NCKAP5: variants seen among roughly 807,000 people sequenced by gnomAD.
NCKAP5 encodes the protein nck-associated protein 5.
Under a neutral mutation model 167.0 loss-of-function variants are expected in NCKAP5, and 92 were observed. The observed-to-expected ratio is 0.55, with a 90% CI of 0.47 to 0.66. The LOEUF is 0.66. Ranked by LOEUF, NCKAP5 falls within the 30% of genes least tolerant of loss-of-function variation. The pLI, the probability that NCKAP5 is intolerant of heterozygous loss-of-function variation, is 0.00. For synonymous variants in NCKAP5, 891 were observed against 877.4 expected (o/e 1.02, Z -0.27); for missense variants, 2,378 against 2,315.0 (o/e 1.03, Z -0.56).
At chr2:133,188,671 C>A (rs148162773) in intron 5 of NCKAP5, among the ~76,000 whole-genome samples, 1 of 152,082 alleles carries the variant, frequency 6.6e-6, no homozygotes, top group Non-Finnish European at 1.5e-5. Context: ...GAACAACCTG[C>A]GCCTGAATGA....
At chr2:133,104,983 G>A (rs1249233222) in intron 6 of NCKAP5, among the ~76,000 whole-genome samples, 8 of 152,250 alleles carry the variant, frequency 5.3e-5, no homozygotes, top group South Asian at 4.1e-4. Context: ...CCTGCCATGC[G>A]CCTGCTCACA....
At chr2:133,453,450 T>C (rs997756302) in intron 3 of NCKAP5, among the ~76,000 whole-genome samples, 3 of 152,080 alleles carry the variant, frequency 2.0e-5, no homozygotes, top group Non-Finnish European at 4.4e-5. Context: ...TCAATTCTAA[T>C]AACAATTCCT....
chr2:133,642,693 TG>T, the NCKAP5 span, among the ~76,000 whole-genome samples: 78 of 152,368 alleles, frequency 5.1e-4, no homozygotes, highest in African/African-American at 1.8e-3. Context: ...CTTGTAATAT[TG>T]ACAGGAAACA....
At chr2:133,445,487 T>C (rs1181744411) in intron 3 of NCKAP5, among the ~76,000 whole-genome samples, 1 of 152,232 alleles carries the variant, frequency 6.6e-6, no homozygotes, top group Admixed American at 6.5e-5. Flanking sequence ...TTGTAGACCT[T>C]GGATCAAAAA....
chr2:133,387,023 T>C (rs981652709), intron 3 of NCKAP5, among the ~76,000 whole-genome samples: 1 of 152,372 alleles, frequency 6.6e-6, no homozygotes, highest in East Asian at 1.9e-4. Flanking sequence ...TGTCTTTTAA[T>C]TGGAGCATTT....
chr2:133,046,099 A>C (rs1337277096), intron 6 of NCKAP5, among the ~76,000 whole-genome samples: 1 of 152,148 alleles, frequency 6.6e-6, no homozygotes, highest in Non-Finnish European at 1.5e-5. Flanking sequence ...TTTAAAACTG[A>C]TGAGTTGTTT....
chr2:132,855,339 C>T (rs537647360), intron 11 of NCKAP5, among the ~76,000 whole-genome samples: 1 of 152,336 alleles, frequency 6.6e-6, no homozygotes, highest in African/African-American at 2.4e-5. Context: ...ATGACAGGCT[C>T]ACCACCAGTG....
chr2:133,265,553 T>C (rs1243542578), intron 4 of NCKAP5, among the ~76,000 whole-genome samples: 1 of 152,190 alleles, frequency 6.6e-6, no homozygotes, highest in Non-Finnish European at 1.5e-5. Flanking sequence ...GTTTGGGGGC[T>C]GAGCTTTAGG....
intron 6 of NCKAP5, among the ~76,000 whole-genome samples, chr2:133,101,514 A>G (rs1350052070): frequency 1.4e-5 from 2 of 146,648 alleles, no homozygotes; most frequent in Non-Finnish European, 3.0e-5. Context: ...TTTTCACGAT[A>G]TTGATTCTTC....
At chr2:133,397,095 A>G (rs910356083) in intron 3 of NCKAP5, among the ~76,000 whole-genome samples, 16 of 152,238 alleles carry the variant, frequency 1.1e-4, no homozygotes, top group Non-Finnish European at 4.4e-5. Context: ...CCAAAGCATA[A>G]CACAACATAA....
At chr2:132,907,438 G>C (rs1431097833) in intron 8 of NCKAP5, among the ~76,000 whole-genome samples, 1 of 152,142 alleles carries the variant, frequency 6.6e-6, no homozygotes, top group Non-Finnish European at 1.5e-5. Flanking sequence ...AGCCCAGAGG[G>C]CTATAAACTC....
chr2:133,364,881 G>A (rs1163682879), intron 3 of NCKAP5, among the ~76,000 whole-genome samples: 2 of 151,882 alleles, frequency 1.3e-5, no homozygotes, highest in Non-Finnish European at 2.9e-5. Context: ...CTCCTGAGTA[G>A]CTGGGACTGC....
chr2:133,553,856 A>T (rs898417624), intron 2 of NCKAP5, among the ~76,000 whole-genome samples: 2 of 152,242 alleles, frequency 1.3e-5, no homozygotes, highest in African/African-American at 4.8e-5. Context: ...GTTACCACAA[A>T]TTTAGTGGCT....
rs149500639 is a variant in NCKAP5 at position 133,115,283 on chromosome 2, A to G, written c.341+14695T>C. 6.2e-3 allele frequency among the ~76,000 whole-genome samples: 942 copies of G among 152,278 alleles called. 3 individuals are homozygous for G. The highest frequency in any genetic ancestry group is 0.021 in the African/African-American group (887 of 41,572). Reference sequence around the variant, plus strand: ...CAAATTGGATCCTGGACATTTTAACAACAGCCTCAGACTGCTATGACAAAA... The same window carrying G: ...CAAATTGGATCCTGGACATTTTAACGACAGCCTCAGACTGCTATGACAAAA... On this transcript the variant is annotated intron_variant, in intron 6 of 19. Transcript: ENST00000409261.
intron 3 of NCKAP5, among the ~76,000 whole-genome samples, chr2:133,433,285 G>A (rs1403759173): frequency 1.3e-5 from 2 of 152,148 alleles, no homozygotes; most frequent in East Asian, 1.9e-4. Context: ...GGCTTCTGCT[G>A]TGTGAATGGG....
At chr2:133,128,459 G>A (rs940517839) in intron 6 of NCKAP5, among the ~76,000 whole-genome samples, 3 of 152,150 alleles carry the variant, frequency 2.0e-5, no homozygotes, top group Non-Finnish European at 4.4e-5. Flanking sequence ...ATAATAGTTT[G>A]AACCATCACC....
intron 3 of NCKAP5, among the ~76,000 whole-genome samples, chr2:133,460,328 C>T (rs898347026): frequency 6.6e-6 from 1 of 152,128 alleles, no homozygotes; most frequent in Non-Finnish European, 1.5e-5. Flanking sequence ...CTTAGAGCTA[C>T]CTGATTTTAG....
Position 133,288,744 on chromosome 2 carries a change from A to G in NCKAP5, c.143+14293T>C, listed in dbSNP as rs541488750. Among the ~76,000 whole-genome samples, 12 of 152,248 alleles carry G rather than the reference A, an allele frequency of 7.9e-5. No individual in the cohort carries two copies. In the South Asian group the frequency reaches 2.5e-3, roughly 32 times the overall value. On this transcript the variant is annotated intron_variant, in intron 4 of 19. Coordinates refer to ENST00000409261, the MANE Select transcript of NCKAP5 (RefSeq NM_207363.3). The stretch of plus-strand genomic sequence containing the variant: ...TACCTCAGGAAGGTTTGGTGCCAAG[A>G]GACAGTCCAAGAGTTAGTGCATAAA...
intron 11 of NCKAP5, among the ~76,000 whole-genome samples, chr2:132,848,578 A>G (rs1688842781): frequency 6.6e-6 from 1 of 152,202 alleles, no homozygotes; most frequent in African/African-American, 2.4e-5. Flanking sequence ...ACATAAATAT[A>G]TCTATTATAA....
Sources: allele counts gnomAD v4.1 joint callset (sites outside exome capture counted in the v4.1 genomes callset), GRCh38; gene constraint gnomAD v4.1.1; transcripts MANE v1.5; gene names NCBI Gene and HGNC (gene_info 2026-07-23, HGNC 2026-07-21).